Variants in ZDHHC5 observed in about 807,000 individuals in gnomAD.
ZDHHC5 encodes zDHHC palmitoyltransferase 5.
Under a neutral mutation model 70.0 loss-of-function variants are expected in ZDHHC5, and 22 were observed. The ratio of observed to expected loss-of-function variants is 0.31; its 90% confidence interval spans 0.22 to 0.45. The LOEUF is 0.45. ZDHHC5 is among the 20% of genes least tolerant of loss of function. ZDHHC5 has a pLI of 1.00. For synonymous variants in ZDHHC5, 313 were observed against 347.8 expected (o/e 0.90, Z 1.11); for missense variants, 746 against 926.9 (o/e 0.80, Z 2.53).
intron 7 of ZDHHC5, among the ~76,000 whole-genome samples, 192 bp downstream of exon 7, chr11:57,692,894 T>G (rs149048436): frequency 5.9e-5 from 9 of 152,314 alleles, no homozygotes; most frequent in Non-Finnish European, 8.8e-5. Context: ...ATGCCCATCC[T>G]TTAGTGCAGT....
intron 2 of ZDHHC5, among the ~76,000 whole-genome samples, chr11:57,674,661 G>A (rs1946048668): frequency 6.6e-6 from 1 of 152,168 alleles, no homozygotes; most frequent in Admixed American, 6.5e-5. Context: ...ATCTGAGGTA[G>A]GAGGGAAGGA....
Position 57,695,952 on chromosome 11 carries a change from G to C in ZDHHC5, c.918G>C (p.Gln306His), listed in dbSNP as rs1169503943. ...GAAGCCTGGAGATAACAGAGAGCCA[G>C]TCTGCAGATGCTGAACCTCCACCTC... Reference protein sequence around the residue: ...SKGSLEITESQSADAEPPPPP... With the variant: ...SKGSLEITESHSADAEPPPPP... Residue 306 changes from glutamine (Q) to histidine (H), a missense_variant, in exon 9 of 12, where the codon CAG becomes CAC. Coordinates refer to ENST00000287169, the MANE Select transcript of ZDHHC5 (RefSeq NM_015457.3). 1 of 1,614,128 alleles carries C rather than the reference G, an allele frequency of 6.2e-7. No homozygotes were observed. Among genetic ancestry groups the C allele is most frequent in the Non-Finnish European group, 8.5e-7 (1 of 1,180,016 alleles).
intron 3 of ZDHHC5, among the ~76,000 whole-genome samples, chr11:57,688,093 A>G (rs1946233870): frequency 6.6e-6 from 1 of 152,094 alleles, no homozygotes; most frequent in South Asian, 2.1e-4. Context: ...CGTGCCTGGA[A>G]AAAAAGGTTG....
At chr11:57,676,784 C>T (rs1018835995) in intron 2 of ZDHHC5, among the ~76,000 whole-genome samples, 6 of 151,900 alleles carry the variant, frequency 3.9e-5, no homozygotes, top group Admixed American at 6.6e-5. Flanking sequence ...AACACCATTT[C>T]GAATCACTTT....
At chr11:57,677,830 A>G (rs1210250337) in intron 2 of ZDHHC5, among the ~76,000 whole-genome samples, 1 of 150,620 alleles carries the variant, frequency 6.6e-6, no homozygotes, top group African/African-American at 2.4e-5. Flanking sequence ...TTAGCACATT[A>G]ATGGAGCAGT....
chr11:57,668,882 A>C (rs765101796), intron 1 of ZDHHC5, among the ~76,000 whole-genome samples: 3 of 152,248 alleles, frequency 2.0e-5, no homozygotes, highest in African/African-American at 4.8e-5. Context: ...CACTTGGCCA[A>C]ATGAAACACT....
In ZDHHC5 at chr11:57,699,329, G is replaced by A; in HGVS notation, c.1893G>A (p.Leu631=). 6.2e-7 allele frequency: 1 copy of A among 1,613,290 alleles called. No homozygotes were observed. The highest frequency in any genetic ancestry group is 1.7e-4 in the Middle Eastern group (1 of 6,056). ...SPEPGPTAPY[L]GRSMSYSSQK... is the part of the protein sequence containing the mutation. ...AACCAGGCCCAACAGCCCCATACCT[G>A]GGCCGATCGATGTCTTACAGCAGCC... Residue 631 remains leucine (L), a synonymous_variant, in exon 11 of 12, where the codon CTG becomes CTA. Coordinates refer to ENST00000287169, the MANE Select transcript of ZDHHC5 (RefSeq NM_015457.3).
intron 2 of ZDHHC5, among the ~76,000 whole-genome samples, chr11:57,679,440 G>T (rs1422173759): frequency 1.1e-4 from 16 of 152,150 alleles, no homozygotes; most frequent in Admixed American, 3.9e-4. Context: ...AGGGTTACAG[G>T]CGTGAGCCAC....
intron 3 of ZDHHC5, among the ~76,000 whole-genome samples, chr11:57,684,339 T>C (rs1239886100): frequency 1.3e-5 from 2 of 152,180 alleles, no homozygotes; most frequent in African/African-American, 4.8e-5. Context: ...ATCCCAGCAC[T>C]TTGGGAGGCT....
intron 3 of ZDHHC5, among the ~76,000 whole-genome samples, chr11:57,684,274 C>T (rs1946183939): frequency 6.6e-6 from 1 of 152,114 alleles, no homozygotes; most frequent in Admixed American, 6.5e-5. Flanking sequence ...CGCGCCTGGC[C>T]CAAAATTACT....
Position 57,683,972 on chromosome 11 carries a change from A to ATTT in ZDHHC5, c.226+1444_226+1446dup, listed in dbSNP as rs11435194. On this transcript the variant is annotated intron_variant, in intron 3 of 11. Transcript: ENST00000287169. Reference sequence around the variant, plus strand: ...CATTTTTTTTGGTAACTAATAATTAATTTTTTTTTTTTTTTTTGAGACAGC... The same window carrying ATTT: ...CATTTTTTTTGGTAACTAATAATTAATTTTTTTTTTTTTTTTTTTTGAGACAGC... Among the ~76,000 whole-genome samples, 397 of 135,856 alleles carry ATTT rather than the reference A, an allele frequency of 2.9e-3. 6 individuals carry two copies. The highest frequency in any genetic ancestry group is 8.4e-3 in the South Asian group (36 of 4,286). 89.1% of individuals were successfully genotyped at this position (135,856 alleles called of 152,430 possible). A position where few individuals can be genotyped will look rare whatever the true frequency, so the allele number is the denominator to read the frequency against.
chr11:57,689,734 G>A (rs1028862984), intron 4 of ZDHHC5, among the ~76,000 whole-genome samples: 2 of 149,836 alleles, frequency 1.3e-5, no homozygotes, highest in African/African-American at 4.9e-5. Flanking sequence ...CCAGTACAGT[G>A]GCTATTCACA....
intron 8 of ZDHHC5, among the ~76,000 whole-genome samples, chr11:57,694,865 C>G (rs907984916): frequency 6.6e-6 from 1 of 152,332 alleles, no homozygotes. Flanking sequence ...AATCCCAGCA[C>G]TTAGCGAGGC....
rs1466087879 is a variant in ZDHHC5 at position 57,697,502 on chromosome 11, C to T, written c.1122+629C>T. 3.4e-5 allele frequency among the ~76,000 whole-genome samples: 5 copies of T among 148,316 alleles called. No homozygotes were observed. The East Asian group carries it at 1.0e-3, about 30-fold the overall frequency. On this transcript the variant is annotated intron_variant, in intron 10 of 11. Transcript: ENST00000287169. ...TAAATAAATACAAAAATTATCTGGG[C>T]GTGGTGGGGGGGCACCTGTAATCCC...
chr11:57,687,832 G>A (rs1297007575), intron 3 of ZDHHC5, among the ~76,000 whole-genome samples: 12 of 133,834 alleles, frequency 9.0e-5, no homozygotes, highest in African/African-American at 3.0e-4. Flanking sequence ...GTGCAGTGGC[G>A]TGATCTCAGC....
At chr11:57,693,616 C>G (rs1946313293) in intron 7 of ZDHHC5, among the ~76,000 whole-genome samples, 167 bp from the exon 8 acceptor site, 1 of 152,220 alleles carries the variant, frequency 6.6e-6, no homozygotes, top group Non-Finnish European at 1.5e-5. Flanking sequence ...TGCTGCAGTC[C>G]TTCACAGAAT....
rs777416865 is a variant in ZDHHC5, at chr11:57,698,931, T to G, written c.1495T>G (p.Ser499Ala). 1.2e-6 allele frequency: 2 copies of G among 1,613,538 alleles called. No homozygotes were observed. The highest frequency in any genetic ancestry group is 1.7e-6 in the Non-Finnish European group (2 of 1,179,940). ...PEPDPPLGYT[S>A]PFLSARLAQQ... The stretch of plus-strand genomic sequence containing the variant: ...GCCAGACCCACCTTTAGGCTATACC[T>G]CTCCCTTCCTGTCAGCCAGGCTGGC... The change falls in exon 11 of 12, where the codon TCT (serine) becomes GCT (alanine). Residue 499 changes from serine to alanine, a missense_variant. Coordinates refer to ENST00000287169, the MANE Select transcript of ZDHHC5 (RefSeq NM_015457.3).
At chr11:57,690,561 A>C in intron 6 of ZDHHC5, 124 bp downstream of exon 6, 2 of 1,046,316 alleles carry the variant, frequency 1.9e-6, no homozygotes, top group Non-Finnish European at 2.9e-6. Flanking sequence ...GATTATGTAG[A>C]GATTAATGGT....
At position 57,692,633 on chromosome 11, in the gene ZDHHC5, G is replaced by A. The variant is rs749028649; in HGVS notation, c.683G>A (p.Gly228Asp). The change falls in exon 7 of 12, where the codon GGT (glycine) becomes GAT (aspartate). Residue 228 changes from glycine to aspartate, a missense_variant. Coordinates refer to ENST00000287169, the MANE Select transcript of ZDHHC5 (RefSeq NM_015457.3). ...TAGGTTACGGGTAAATTCCGGGGAG[G>A]TGTGAACCCCTTCACCAATGGCTGC... The part of the protein sequence containing the change: ...NEQVTGKFRG[G>D]VNPFTNGCCN... 1 of 1,614,122 alleles carries A rather than the reference G, an allele frequency of 6.2e-7. No individual in the cohort carries two copies. The highest frequency in any genetic ancestry group is 1.3e-5 in the African/African-American group (1 of 75,026).
Sources: allele counts gnomAD v4.1 joint callset (sites outside exome capture counted in the v4.1 genomes callset), GRCh38; gene constraint gnomAD v4.1.1; transcripts MANE v1.5; gene names NCBI Gene and HGNC (gene_info 2026-07-23, HGNC 2026-07-21).